Variants in ADAM30 observed in about 807,000 individuals in gnomAD.
ADAM30 encodes disintegrin and metalloproteinase domain-containing protein 30.
For missense variants in ADAM30, 960 were observed against 959.4 expected (o/e 1.00, Z -0.01); for synonymous variants, 382 against 340.9 (o/e 1.12, Z -1.33).
chr1:119,894,739 A>T lies in ADAM30; in HGVS notation c.1598T>A (p.Phe533Tyr). The T allele has an allele frequency of 6.2e-7, 1 of 1,614,206 alleles. No homozygotes were observed. The highest frequency in any genetic ancestry group is 8.5e-7 in the Non-Finnish European group (1 of 1,180,034). ...YDAVNLIGDQ[F>Y]GNCEITGIRN... The stretch of plus-strand genomic sequence containing the variant: ...AATTCCTGTAATCTCACAGTTACCA[A>T]ATTGATCACCTATTAAGTTAACTGC... The change falls in exon 1 of 1, where the codon TTT becomes TAT. Residue 533 changes from phenylalanine (F) to tyrosine (Y), a missense_variant. Transcript: ENST00000369400.
At position 119,894,388 on chromosome 1, in the gene ADAM30, C is replaced by G. The variant is rs587720885; in HGVS notation, c.1949G>C (p.Cys650Ser). 8 of 1,614,182 alleles carry G rather than the reference C, an allele frequency of 5.0e-6. No homozygotes were observed. In the African/African-American group the frequency reaches 1.1e-4, roughly 22 times the overall value. Reference sequence around the variant, plus strand: ...AGGTGCCCACCCATACATGCAGTGGCAGTTTTTTCTGTTGTTGCAAACACC... The same window carrying G: ...AGGTGCCCACCCATACATGCAGTGGGAGTTTTTTCTGTTGTTGCAAACACC... ...TRGVCNNRKNCHCMYGWAPPF... is the reference protein window; with the variant it reads ...TRGVCNNRKNSHCMYGWAPPF... Residue 650 changes from cysteine to serine, a missense_variant, in exon 1 of 1, where the codon TGC (cysteine) becomes TCC (serine). By Grantham distance (112) the Cys-to-Ser change is moderately radical. Transcript: ENST00000369400.
chr1:119,895,472 A>G lies in ADAM30; in HGVS notation c.865T>C (p.Ser289Pro). 2.5e-6 allele frequency: 4 copies of G among 1,613,978 alleles called. No individual in the cohort carries two copies. Among genetic ancestry groups the G allele is most frequent in the Non-Finnish European group, 2.5e-6 (3 of 1,180,014 alleles). ...YKKSVLNARL[S>P]SDWAHLYLQR... ...AGATATAAATGTGCCCAATCTGATG[A>G]CAGGCGAGCATTTAATACACTTTTT... Residue 289 changes from serine (S) to proline (P), a missense_variant, in exon 1 of 1, where the codon TCA (serine) becomes CCA (proline). By Grantham distance (74) the Ser-to-Pro change is moderately conservative (BLOSUM62 -1). Coordinates refer to ENST00000369400, the MANE Select transcript of ADAM30 (RefSeq NM_021794.4).
Position 119,895,060 on chromosome 1 carries a change from C to A in ADAM30, c.1277G>T (p.Cys426Phe). ...GSTEECQKDRCCQSNCKLQPG... is the reference protein window; with the variant it reads ...GSTEECQKDRFCQSNCKLQPG... Reference sequence around the variant, plus strand: ...TTGCAACTTACAATTTGATTGGCAACACCGATCTTTCTGACACTCCTCTGT... The same window carrying A: ...TTGCAACTTACAATTTGATTGGCAAAACCGATCTTTCTGACACTCCTCTGT... The change falls in exon 1 of 1, where the codon TGT becomes TTT. Residue 426 changes from cysteine to phenylalanine, a missense_variant. By Grantham distance (205) the Cys-to-Phe change is radical. Coordinates refer to ENST00000369400, the MANE Select transcript of ADAM30 (RefSeq NM_021794.4). 1 of 1,614,198 alleles carries A rather than the reference C, an allele frequency of 6.2e-7. No homozygotes were observed. Among genetic ancestry groups the A allele is most frequent in the South Asian group, 1.1e-5 (1 of 91,074 alleles).
In ADAM30 at chr1:119,894,731, A is replaced by ATTC; in HGVS notation, c.1605_1606insGAA (p.Asn535_Cys536insGlu). On this transcript the variant is annotated inframe_insertion, in exon 1 of 1. Coordinates refer to ENST00000369400, the MANE Select transcript of ADAM30 (RefSeq NM_021794.4). Reference sequence around the variant, plus strand: ...AAATTTCGAATTCCTGTAATCTCACAGTTACCAAATTGATCACCTATTAAG... The same window carrying ATTC: ...AAATTTCGAATTCCTGTAATCTCACATTCGTTACCAAATTGATCACCTATTAAG... 1 of 1,614,228 alleles carries ATTC rather than the reference A, an allele frequency of 6.2e-7. No homozygotes were observed. Among genetic ancestry groups the ATTC allele is most frequent in the Non-Finnish European group, 8.5e-7 (1 of 1,180,044 alleles).
chr1:119,895,143 C>A lies in ADAM30; in HGVS notation c.1194G>T (p.Val398=), dbSNP rs1261655373. Residue 398 remains valine (V), a synonymous_variant, in exon 1 of 1, where the codon GTG becomes GTT. Coordinates refer to ENST00000369400, the MANE Select transcript of ADAM30 (RefSeq NM_021794.4). ...CAATTTTGTTTCCACATCTCTTAAG[C>A]ACATAACCTAGTCCTGGGATATTAT... ...CLNNIPGLGY[V]LKRCGNKIVE... is the part of the protein sequence containing the mutation. The A allele has an allele frequency of 6.2e-7, 1 of 1,614,030 alleles. No homozygotes were observed. Among genetic ancestry groups the A allele is most frequent in the African/African-American group, 1.3e-5 (1 of 74,908 alleles).
rs1310981451 is a variant in ADAM30, at chr1:119,895,108, T to C, written c.1229A>G (p.Asn410Ser). Residue 410 changes from asparagine (N) to serine (S), a missense_variant, in exon 1 of 1, where the codon AAT becomes AGT. Asn to Ser is a conservative substitution (Grantham distance 46). Coordinates refer to ENST00000369400, the MANE Select transcript of ADAM30 (RefSeq NM_021794.4). ...TGTGGAACCACAGTCACATTCCTCA[T>C]TGTCCTCCACAATTTTGTTTCCACA... ...KRCGNKIVEDNEECDCGSTEE... is the reference protein window; with the variant it reads ...KRCGNKIVEDSEECDCGSTEE... The C allele has an allele frequency of 1.1e-5, 17 of 1,614,032 alleles. No individual in the cohort carries two copies. Among genetic ancestry groups the C allele is most frequent in the African/African-American group, 2.7e-5 (2 of 74,922 alleles).
Position 119,893,550 on chromosome 1 carries a change from T to A in ADAM30, c.*414A>T, listed in dbSNP as rs112897192. 6.2e-5 allele frequency: 12 copies of A among 192,156 alleles called. No homozygotes were observed. In the South Asian group the frequency reaches 1.3e-3, roughly 21 times the overall value. 11.9% of individuals were successfully genotyped at this position (192,156 alleles called of 1,614,324 possible). On this transcript the variant is annotated 3_prime_UTR_variant, in exon 1 of 1. Coordinates refer to ENST00000369400, the MANE Select transcript of ADAM30 (RefSeq NM_021794.4). ...TCATAAAATGTGTTGTCGGCATTTATTGATCAGCATGGGTGCAGGTGCGGA... is the reference window on the plus strand; with the variant it reads ...TCATAAAATGTGTTGTCGGCATTTAATGATCAGCATGGGTGCAGGTGCGGA...
rs754320276 is a variant in ADAM30, at chr1:119,894,837, G to A, written c.1500C>T (p.Cys500=). 6.2e-7 allele frequency: 1 copy of A among 1,614,124 alleles called. No homozygotes were observed. Residue 500 remains cysteine (C), a synonymous_variant, in exon 1 of 1, where the codon TGC becomes TGT. Coordinates refer to ENST00000369400, the MANE Select transcript of ADAM30 (RefSeq NM_021794.4). ...KYEGRCFRKG[C]RSRYMQCQSI... ...TTTGGCACTGCATATATCTGGATCTGCACCCCTTCCTGAAACAACGGCCTT... is the reference window on the plus strand; with the variant it reads ...TTTGGCACTGCATATATCTGGATCTACACCCCTTCCTGAAACAACGGCCTT...
Position 119,894,251 on chromosome 1 carries a change from G to A in ADAM30, c.2086C>T (p.Leu696Phe). Reference protein sequence around the residue: ...IWVVSIIMFRLILLILSVVFV... With the variant: ...IWVVSIIMFRFILLILSVVFV... The stretch of plus-strand genomic sequence containing the variant: ...ACCACTGAAAGGATTAATAAAATAA[G>A]GCGAAACATTATGATGGACACAACC... Residue 696 changes from leucine to phenylalanine, a missense_variant, in exon 1 of 1, where the codon CTT becomes TTT. Coordinates refer to ENST00000369400, the MANE Select transcript of ADAM30 (RefSeq NM_021794.4). 1.9e-6 allele frequency: 3 copies of A among 1,614,178 alleles called. No homozygotes were observed. The highest frequency in any genetic ancestry group is 1.6e-4 in the Middle Eastern group (1 of 6,062).
rs1294054905 is a variant in ADAM30, at chr1:119,896,442, C to T, written c.-106G>A. On this transcript the variant is annotated 5_prime_UTR_variant, in exon 1 of 1. Coordinates refer to ENST00000369400, the MANE Select transcript of ADAM30 (RefSeq NM_021794.4). ...GCTAGAGGCGCCTGAGCTCAAAACC[C>T]GGCTCCCCTGGCAGGGTTTCCGGGG... 7.0e-7 allele frequency: 1 copy of T among 1,424,176 alleles called. No individual in the cohort carries two copies. Among genetic ancestry groups the T allele is most frequent in the East Asian group, 2.6e-5 (1 of 39,198 alleles). 88.2% of individuals were successfully genotyped at this position (1,424,176 alleles called of 1,614,324 possible). A position where few individuals can be genotyped will look rare whatever the true frequency, so the allele number is the denominator to read the frequency against.
Position 119,895,431 on chromosome 1 carries a change from A to T in ADAM30, c.906T>A (p.Asn302Lys), listed in dbSNP as rs1648553124. The T allele has an allele frequency of 1.2e-6, 2 of 1,613,928 alleles. No homozygotes were observed. Among genetic ancestry groups the T allele is most frequent in the African/African-American group, 1.3e-5 (1 of 75,018 alleles). ...WAHLYLQRKY[N>K]DALAWSFGKV... The stretch of plus-strand genomic sequence containing the variant: ...TTCCAAACGACCATGCAAGAGCATC[A>T]TTATATTTTCTTTGAAGATATAAAT... Residue 302 changes from asparagine to lysine, a missense_variant, in exon 1 of 1, where the codon AAT (asparagine) becomes AAA (lysine). Asn to Lys is a moderately conservative substitution (Grantham distance 94). Coordinates refer to ENST00000369400, the MANE Select transcript of ADAM30 (RefSeq NM_021794.4).
chr1:119,894,037 C>G lies in ADAM30; in HGVS notation c.2300G>C (p.Gly767Ala), dbSNP rs1236808087. 6.2e-7 allele frequency: 1 copy of G among 1,613,058 alleles called. No individual in the cohort carries two copies. Among genetic ancestry groups the G allele is most frequent in the South Asian group, 1.1e-5 (1 of 90,948 alleles). Residue 767 changes from glycine to alanine, a missense_variant, in exon 1 of 1, where the codon GGA becomes GCA. By Grantham distance (60) the Gly-to-Ala change is moderately conservative. Coordinates refer to ENST00000369400, the MANE Select transcript of ADAM30 (RefSeq NM_021794.4). ...AATGTTTGCTTTAGATTCTTCCTGT[C>G]CAGTTTTTGCTTTAGATTCTTCCTG... Reference protein sequence around the residue: ...TGQEESKAKTGQEESKANIES... With the variant: ...TGQEESKAKTAQEESKANIES...
In ADAM30 at chr1:119,894,249, A is replaced by G. The variant is rs1648505199; in HGVS notation, c.2088T>C (p.Leu696=). 3.7e-6 allele frequency: 6 copies of G among 1,614,112 alleles called. 1 individual carries two copies. The highest frequency in any genetic ancestry group is 5.1e-6 in the Non-Finnish European group (6 of 1,180,052). The change falls in exon 1 of 1, where the codon CTT becomes CTC. Residue 696 remains leucine (L), a synonymous_variant. Transcript: ENST00000369400. ...AAACCACTGAAAGGATTAATAAAATAAGGCGAAACATTATGATGGACACAA... is the reference window on the plus strand; with the variant it reads ...AAACCACTGAAAGGATTAATAAAATGAGGCGAAACATTATGATGGACACAA... ...IWVVSIIMFR[L]ILLILSVVFV...
In ADAM30 at chr1:119,895,560, A is replaced by G; in HGVS notation, c.777T>C (p.Phe259=). The change falls in exon 1 of 1, where the codon TTT becomes TTC. Residue 259 remains phenylalanine, a synonymous_variant. Coordinates refer to ENST00000369400, the MANE Select transcript of ADAM30 (RefSeq NM_021794.4). ...CTGGATATCCAACGCGTATTTTGTT[A>G]AAATCTGTCCATACTTCAAGAGCCT... The part of the protein sequence containing the change: ...HLKALEVWTD[F]NKIRVGYPEL... 1 of 1,613,878 alleles carries G rather than the reference A, an allele frequency of 6.2e-7. No individual in the cohort carries two copies. The highest frequency in any genetic ancestry group is 8.5e-7 in the Non-Finnish European group (1 of 1,180,032).
In ADAM30 at chr1:119,895,895, G is replaced by C. The variant is rs749182555; in HGVS notation, c.442C>G (p.Pro148Ala). ...TCAAAACTGGGAGAGGCCTTGAGGG[G>C]CTCAATTTGGTAATGTTTGGCATCA... is the stretch of plus-strand genomic sequence containing the variant. ...NIDAKHYQIE[P>A]LKASPSFEHV... is the part of the protein sequence containing the mutation. Residue 148 changes from proline to alanine, a missense_variant, in exon 1 of 1, where the codon CCC becomes GCC. By Grantham distance (27) the Pro-to-Ala change is conservative. Coordinates refer to ENST00000369400, the MANE Select transcript of ADAM30 (RefSeq NM_021794.4). 1 of 1,614,092 alleles carries C rather than the reference G, an allele frequency of 6.2e-7. No homozygotes were observed. The highest frequency in any genetic ancestry group is 2.2e-5 in the East Asian group (1 of 44,882).
rs767059190 is a variant in ADAM30, at chr1:119,895,973, A to G, written c.364T>C (p.Ser122Pro). ...YMGSVKESLD[S>P]KATISTCMGG... is the part of the protein sequence containing the mutation. ...ATGCATGTGCTTATAGTAGCTTTAG[A>G]GTCCAGAGACTCTTTCACGGAGCCC... The change falls in exon 1 of 1, where the codon TCT becomes CCT. Residue 122 changes from serine (S) to proline (P), a missense_variant. Physicochemically the swap from Ser to Pro is moderately conservative, Grantham distance 74 (BLOSUM62 -1). Coordinates refer to ENST00000369400, the MANE Select transcript of ADAM30 (RefSeq NM_021794.4). 5.0e-6 allele frequency: 8 copies of G among 1,614,184 alleles called. No individual in the cohort carries two copies. In the South Asian group the frequency reaches 5.5e-5, roughly 11 times the overall value.
chr1:119,894,930 G>T lies in ADAM30; in HGVS notation c.1407C>A (p.Tyr469Ter), dbSNP rs755701771. Residue 469 changes from tyrosine (Y) to a stop codon, truncating the protein, a stop_gained, in exon 1 of 1, where the codon TAC becomes TAA. Coordinates refer to ENST00000369400, the MANE Select transcript of ADAM30 (RefSeq NM_021794.4). LOFTEE classifies it low-confidence loss of function (END_TRUNC). Reference sequence around the variant, plus strand: ...GGCAGGAACTTGAATTCCCGTCGCAGTACTCTGCAAGGTCACATTCATTTC... The same window carrying T: ...GGCAGGAACTTGAATTCCCGTCGCATTACTCTGCAAGGTCACATTCATTTC... ...QEGNECDLAE[Y>*]CDGNSSSCPN... The T allele has an allele frequency of 3.7e-6, 6 of 1,614,130 alleles. No homozygotes were observed. Among genetic ancestry groups the T allele is most frequent in the Non-Finnish European group, 5.1e-6 (6 of 1,180,032 alleles).
rs1648575373 is a variant in ADAM30, at chr1:119,895,996, C to G, written c.341G>C (p.Gly114Ala). The change falls in exon 1 of 1, where the codon GGC (glycine) becomes GCC (alanine). Residue 114 changes from glycine (G) to alanine (A), a missense_variant. Gly to Ala is a moderately conservative substitution (Grantham distance 60). Transcript: ENST00000369400. ...PYIPKDCNYMGSVKESLDSKA... is the reference protein window; with the variant it reads ...PYIPKDCNYMASVKESLDSKA... ...AGAGTCCAGAGACTCTTTCACGGAG[C>G]CCATGTAGTTGCAGTCCTTTGGTAT... is the stretch of plus-strand genomic sequence containing the variant. 6.2e-7 allele frequency: 1 copy of G among 1,614,130 alleles called. No homozygotes were observed. Among genetic ancestry groups the G allele is most frequent in the African/African-American group, 1.3e-5 (1 of 75,028 alleles).
Position 119,896,472 on chromosome 1 carries a change from C to A in ADAM30, c.-136G>T. 1 of 1,372,072 alleles carries A rather than the reference C, an allele frequency of 7.3e-7. No individual in the cohort carries two copies. Among genetic ancestry groups the A allele is most frequent in the Non-Finnish European group, 9.5e-7 (1 of 1,048,880 alleles). The allele number at this position is 1,372,072 out of a possible 1,614,324, so 85.0% of individuals were successfully genotyped here. A position where few individuals can be genotyped will look rare whatever the true frequency, so the allele number is the denominator to read the frequency against. On this transcript the variant is annotated 5_prime_UTR_variant, in exon 1 of 1. Transcript: ENST00000369400. ...CCCCTGGCAGGGTTTCCGGGGGAGC[C>A]CGTAGCCTCCCAGGGCTCGGTCTAG...
Sources: gnomAD v4.1 joint callset for allele counts on GRCh38, gnomAD v4.1.1 for gene constraint, MANE v1.5 for transcripts, NCBI Gene and HGNC (gene_info 2026-07-23, HGNC 2026-07-21) for gene names.